MTSS1: variants seen among roughly 807,000 people sequenced by gnomAD.
MTSS1 encodes the protein protein MTSS 1.
MTSS1 carries 18 observed loss-of-function variants against 79.0 expected under a neutral mutation model. The ratio of observed to expected loss-of-function variants is 0.23; its 90% confidence interval spans 0.16 to 0.34. MTSS1 has a LOEUF of 0.34. Ranked by LOEUF, MTSS1 falls within the 10% of genes least tolerant of loss-of-function variation. The pLI is 1.00. For missense variants in MTSS1, 815 were observed against 986.2 expected, an observed-to-expected ratio of 0.83 and a Z score of 2.33; for synonymous variants, 341 against 368.6, an observed-to-expected ratio of 0.93 and a Z score of 0.86.
chr8:124,670,649 G>C (rs1277731443), intron 3 of MTSS1, among the ~76,000 whole-genome samples: 1 of 152,174 alleles, frequency 6.6e-6, no homozygotes, highest in African/African-American at 2.4e-5. Context: ...GCACCCTAGG[G>C]CTTACCAAGA....
At chr8:124,616,429 T>C (rs1365107587) in intron 3 of MTSS1, among the ~76,000 whole-genome samples, 1 of 150,620 alleles carries the variant, frequency 6.6e-6, no homozygotes, top group African/African-American at 2.4e-5. Context: ...CCCACCAATA[T>C]GCTTCAGTAT....
At chr8:124,563,137 T>C in intron 9 of MTSS1, 145 bp from the exon 10 acceptor site, 1 of 707,328 alleles carries the variant, frequency 1.4e-6, no homozygotes, top group Non-Finnish European at 2.3e-6. Flanking sequence ...GCCCTGGAGA[T>C]GCAGTGCAAA....
intron 5 of MTSS1, among the ~76,000 whole-genome samples, chr8:124,587,202 C>T (rs1262515873): frequency 6.6e-6 from 1 of 152,196 alleles, no homozygotes; most frequent in East Asian, 1.9e-4. Context: ...ATCCCCAGGG[C>T]CTCAACGAGT....
intron 3 of MTSS1, among the ~76,000 whole-genome samples, chr8:124,602,341 A>G (rs1834086444): frequency 6.6e-6 from 1 of 151,470 alleles, no homozygotes. Context: ...CTGGGGCTAC[A>G]AGTGTGCACT....
chr8:124,657,668 C>T (rs906610055), intron 3 of MTSS1, among the ~76,000 whole-genome samples: 9 of 152,168 alleles, frequency 5.9e-5, no homozygotes, highest in South Asian at 2.1e-4. Context: ...CACGTTCACA[C>T]GGTCCTTACC....
rs1016622644 is a variant in MTSS1 at position 124,660,962 on chromosome 8, G to T, written c.208+38564C>A. Among the ~76,000 whole-genome samples, 4 of 152,302 alleles carry T rather than the reference G, an allele frequency of 2.6e-5. No homozygotes were observed. The South Asian group carries it at 6.2e-4, about 24-fold the overall frequency. ...GCACACGTACACACACGCACAATTT[G>T]GTTCACACTGTATCCTCTGACAGTA... On this transcript the variant is annotated intron_variant, in intron 3 of 13. Transcript: ENST00000518547.
At chr8:124,703,195 A>C (rs1829941372) in intron 2 of MTSS1, among the ~76,000 whole-genome samples, 1 of 152,218 alleles carries the variant, frequency 6.6e-6, no homozygotes, top group South Asian at 2.1e-4. Context: ...ATCCCCAAGC[A>C]ACCAATGATC....
At chr8:124,657,638 G>A (rs371790587) in intron 3 of MTSS1, among the ~76,000 whole-genome samples, 31 of 152,232 alleles carry the variant, frequency 2.0e-4, no homozygotes, top group African/African-American at 5.8e-4. Context: ...AGCCCACTGC[G>A]CATACATCAT....
chr8:124,649,547 C>T (rs1819585333), intron 3 of MTSS1, among the ~76,000 whole-genome samples: 1 of 152,082 alleles, frequency 6.6e-6, no homozygotes, highest in African/African-American at 2.4e-5. Flanking sequence ...TGAGGGTCAG[C>T]CAAGACAGAG....
chr8:124,651,468 G>C (rs11783312), intron 3 of MTSS1, among the ~76,000 whole-genome samples: 14,143 of 151,596 alleles, frequency 0.093, 839 homozygotes, highest in African/African-American at 0.17. Flanking sequence ...TTTTGGTGGG[G>C]GGGGAGGGGC....
intron 10 of MTSS1, chr8:124,558,685 C>A (rs1383054325): frequency 6.6e-7 from 1 of 1,513,470 alleles, no homozygotes; most frequent in Admixed American, 2.0e-5. Flanking sequence ...GAGAGTGGGG[C>A]CGCTGTGGCT....
At chr8:124,616,371 TAAAAAAA>T (rs68110053) in intron 3 of MTSS1, among the ~76,000 whole-genome samples, 11 of 119,616 alleles carry the variant, frequency 9.2e-5, no homozygotes, top group African/African-American at 1.8e-4. Flanking sequence ...TTTCAGGCAG[TAAAAAAA>T]AAAAAAAAAA....
chr8:124,637,584 C>T (rs1215097589), intron 3 of MTSS1, among the ~76,000 whole-genome samples: 1 of 152,170 alleles, frequency 6.6e-6, no homozygotes, highest in Admixed American at 6.5e-5. Context: ...TTAGATCACT[C>T]GCAAAACCTT....
At position 124,606,708 on chromosome 8, in the gene MTSS1, C is replaced by T. The variant is rs550819160; in HGVS notation, c.209-15473G>A. Among the ~76,000 whole-genome samples, 8 of 152,100 alleles carry T rather than the reference C, an allele frequency of 5.3e-5. No homozygotes were observed. In the East Asian group the frequency reaches 1.2e-3, roughly 22 times the overall value. ...TGGGAGAAAATAAGAGCCCTTCCCC[C>T]GAACATCTGTTTTATCAGCCAGATT... On this transcript the variant is annotated intron_variant, in intron 3 of 13. Coordinates refer to ENST00000518547, the MANE Select transcript of MTSS1 (RefSeq NM_014751.6).
chr8:124,717,191 C>T (rs1466807126), intron 1 of MTSS1, among the ~76,000 whole-genome samples: 1 of 152,112 alleles, frequency 6.6e-6, no homozygotes, highest in African/African-American at 2.4e-5. Context: ...CCTAACCACT[C>T]TACTTAAAAA....
At chr8:124,598,132 TAATA>T (rs1833083292) in intron 3 of MTSS1, among the ~76,000 whole-genome samples, 1 of 151,966 alleles carries the variant, frequency 6.6e-6, no homozygotes, top group African/African-American at 2.4e-5. Flanking sequence ...ACAAATAAAT[TAATA>T]AATAAATAAT....
rs1826546752 is a variant in MTSS1, at chr8:124,683,994, A to T, written c.208+15532T>A. Reference sequence around the variant, plus strand: ...CTGAACAAATAGAATCTTGTATCTGACAACAGCAGAGCAGCACAACCATTT... The same window carrying T: ...CTGAACAAATAGAATCTTGTATCTGTCAACAGCAGAGCAGCACAACCATTT... On this transcript the variant is annotated intron_variant, in intron 3 of 13. Coordinates refer to ENST00000518547, the MANE Select transcript of MTSS1 (RefSeq NM_014751.6). This position sits in a 1 kb window ranked among gnomAD's most constrained non-coding sequence, Gnocchi z 4.5. 6.6e-6 allele frequency among the ~76,000 whole-genome samples: 1 copy of T among 152,240 alleles called. No individual in the cohort carries two copies. The highest frequency in any genetic ancestry group is 1.5e-5 in the Non-Finnish European group (1 of 68,034).
At chr8:124,598,901 C>G (rs1002819865) in intron 3 of MTSS1, among the ~76,000 whole-genome samples, 2 of 149,942 alleles carry the variant, frequency 1.3e-5, no homozygotes, top group Non-Finnish European at 3.0e-5. Context: ...AGCTCCTTCA[C>G]GGGACCCAGC....
chr8:124,645,224 C>T (rs557455038), intron 3 of MTSS1, among the ~76,000 whole-genome samples: 7 of 151,988 alleles, frequency 4.6e-5, no homozygotes, highest in African/African-American at 9.7e-5. Context: ...AAAACAAAAA[C>T]GAAAAAACGA....
Sources: gnomAD v4.1 joint callset for allele counts (sites outside exome capture counted in the v4.1 genomes callset) on GRCh38, gnomAD v4.1.1 for gene constraint, Gnocchi (gnomAD v3.1) non-coding constraint, MANE v1.5 for transcripts, NCBI Gene and HGNC (gene_info 2026-07-23, HGNC 2026-07-21) for gene names.